Variants in RARB observed in about 807,000 individuals in gnomAD.
RARB encodes the protein retinoic acid receptor beta.
In RARB, 17 loss-of-function variants were observed where a neutral mutation model predicts 51.9. The observed-to-expected ratio is 0.33, with a 90% CI of 0.22 to 0.49. The LOEUF is 0.49. RARB is among the 20% of genes least tolerant of loss of function. RARB has a pLI of 0.99. For synonymous variants in RARB, 215 were observed against 195.4 expected, an observed-to-expected ratio of 1.10 and a Z score of -0.84; for missense variants, 369 against 550.8, an observed-to-expected ratio of 0.67 and a Z score of 3.30.
rs73046126 is a variant in RARB at position 25,491,667 on chromosome 3, G to A, written c.307-9515G>A. ...AAAAATTATTTAGGGCTGGGCGTGC[G>A]TGGTACCTCATGCCTGTAATCCCAA... On this transcript the variant is annotated intron_variant, in intron 2 of 7. Coordinates refer to ENST00000330688, the MANE Select transcript of RARB (RefSeq NM_000965.5). Among the ~76,000 whole-genome samples, 702 of 152,264 alleles carry A rather than the reference G, an allele frequency of 4.6e-3. 2 individuals are homozygous for A. Among genetic ancestry groups the A allele is most frequent in the Middle Eastern group, 0.017 (5 of 294 alleles).
chr3:24,924,569 C>A (rs1400652185), intron 2 of RARB, among the ~76,000 whole-genome samples: 1 of 152,070 alleles, frequency 6.6e-6, no homozygotes, highest in Non-Finnish European at 1.5e-5. Flanking sequence ...TAATAGATAT[C>A]ATATTGGACA....
intron 5 of RARB, chr3:25,345,871 C>T: frequency 3.3e-6 from 3 of 908,638 alleles, no homozygotes; most frequent in Non-Finnish European, 3.9e-6. Context: ...TTAAAACAAC[C>T]ACCACTAAAT....
At chr3:25,163,094 A>C (rs1011126341) in intron 4 of RARB, among the ~76,000 whole-genome samples, 1 of 152,228 alleles carries the variant, frequency 6.6e-6, no homozygotes, top group Non-Finnish European at 1.5e-5. Context: ...ACCTTGAGAG[A>C]GGGAGAAAAC....
chr3:25,442,113 T>A (rs1225075672), intron 1 of RARB, among the ~76,000 whole-genome samples: 1 of 134,918 alleles, frequency 7.4e-6, no homozygotes. Context: ...AATTTTATTT[T>A]ATTTTTATTT....
intron 2 of RARB, among the ~76,000 whole-genome samples, chr3:24,875,101 T>A (rs1575047810): frequency 6.6e-6 from 1 of 152,186 alleles, no homozygotes; most frequent in East Asian, 1.9e-4. Context: ...CTTTTTCTAA[T>A]CTTACATTTT....
intron 2 of RARB, among the ~76,000 whole-genome samples, chr3:24,879,147 C>T (rs1269477499): frequency 6.6e-6 from 1 of 151,988 alleles, no homozygotes; most frequent in Non-Finnish European, 1.5e-5. Context: ...AATTGAGTTC[C>T]AGCTGGACAC....
chr3:25,479,052 T>C (rs1696100444), intron 2 of RARB, among the ~76,000 whole-genome samples: 1 of 152,132 alleles, frequency 6.6e-6, no homozygotes, highest in African/African-American at 2.4e-5. Context: ...GGCCTTTAAT[T>C]GTACCCTCTG....
At chr3:25,166,281 A>G (rs1188525703) in intron 4 of RARB, among the ~76,000 whole-genome samples, 1 of 152,222 alleles carries the variant, frequency 6.6e-6, no homozygotes, top group African/African-American at 2.4e-5. Context: ...CAGGCATGCA[A>G]AACTGACTTC....
intron 2 of RARB, among the ~76,000 whole-genome samples, chr3:24,936,278 T>C (rs1695546476): frequency 6.6e-6 from 1 of 152,138 alleles, no homozygotes; most frequent in African/African-American, 2.4e-5. Context: ...TACAAATTAG[T>C]ATATTGAGGA....
chr3:25,139,901 T>C (rs775048183), intron 4 of RARB, among the ~76,000 whole-genome samples: 2 of 152,212 alleles, frequency 1.3e-5, no homozygotes, highest in Non-Finnish European at 2.9e-5. Context: ...CAAACTTTAC[T>C]GTACCTGTGC....
upstream of RARB, among the ~76,000 whole-genome samples, chr3:25,424,496 A>G (rs922593754): frequency 2.0e-5 from 3 of 152,224 alleles, no homozygotes; most frequent in Non-Finnish European, 4.4e-5. Flanking sequence ...GTCACTCAGT[A>G]CTAGCCATTT....
chr3:25,312,502 T>A (rs1447574780), intron 5 of RARB, among the ~76,000 whole-genome samples: 5 of 152,102 alleles, frequency 3.3e-5, no homozygotes, highest in Admixed American at 6.6e-5. Context: ...AAGTAAAGCC[T>A]GGGAGTTAAA....
Position 24,889,995 on chromosome 3 carries a change from C to G in RARB, c.-380+31243C>G, listed in dbSNP as rs184179686. Reference sequence around the variant, plus strand: ...AATAATGAATGTTGTATGGCACATTCATTATTCTAATGCGATCAGCAGTAT... The same window carrying G: ...AATAATGAATGTTGTATGGCACATTGATTATTCTAATGCGATCAGCAGTAT... On this transcript the variant is annotated intron_variant, in intron 2 of 11. Transcript: ENST00000383772. 3.4e-3 allele frequency among the ~76,000 whole-genome samples: 512 copies of G among 151,874 alleles called. 3 individuals are homozygous for G. Among genetic ancestry groups the G allele is most frequent in the African/African-American group, 0.012 (481 of 41,416 alleles).
chr3:25,451,067 A>G (rs1709173463), intron 1 of RARB, among the ~76,000 whole-genome samples: 1 of 152,196 alleles, frequency 6.6e-6, no homozygotes, highest in Non-Finnish European at 1.5e-5. Context: ...TGCCCATGCC[A>G]GGTTGGGCAA....
At chr3:25,332,704 G>A (rs376959012) in intron 5 of RARB, among the ~76,000 whole-genome samples, 6 of 152,194 alleles carry the variant, frequency 3.9e-5, no homozygotes, top group Admixed American at 1.3e-4. Context: ...AGAAATAAAG[G>A]GTATTCAATT....
chr3:25,571,851 G>GT (rs1175962203), intron 4 of RARB, among the ~76,000 whole-genome samples: 1 of 152,238 alleles, frequency 6.6e-6, no homozygotes, highest in Admixed American at 6.5e-5. Flanking sequence ...CTACCCAGCA[G>GT]TGGAGTGGCA....
At chr3:25,293,731 G>A (rs1485524011) in intron 5 of RARB, among the ~76,000 whole-genome samples, 3 of 151,948 alleles carry the variant, frequency 2.0e-5, no homozygotes, top group Admixed American at 6.6e-5. Context: ...AAATGTCTCA[G>A]GTTTAGGAGT....
At chr3:25,391,742 G>C (rs1231845434) in intron 5 of RARB, among the ~76,000 whole-genome samples, 1 of 151,854 alleles carries the variant, frequency 6.6e-6, no homozygotes, top group Non-Finnish European at 1.5e-5. Context: ...GGGATTGTCT[G>C]TTTTTTCTCG....
intron 3 of RARB, among the ~76,000 whole-genome samples, chr3:25,516,631 C>CTTTTTTTTTTTTTTTTTTTTTTTTTTT (rs559135603): frequency 8.4e-5 from 11 of 131,728 alleles, no homozygotes; most frequent in African/African-American, 3.6e-4. Context: ...ATTTCCTTGT[C>CTTTTTTTTTTTTTTTTTTTTTTTTTTT]TTTTTTTTTT....
Sources: allele counts gnomAD v4.1 joint callset (sites outside exome capture counted in the v4.1 genomes callset), GRCh38; gene constraint gnomAD v4.1.1; transcripts MANE v1.5; gene names NCBI Gene and HGNC (gene_info 2026-07-23, HGNC 2026-07-21).